Variants in RBFOX1 observed in about 807,000 individuals in gnomAD.
The protein encoded by RBFOX1 is RNA binding fox-1 homolog 1.
RBFOX1 carries 8 observed loss-of-function variants against 57.7 expected under a neutral mutation model. That is an observed-to-expected ratio of 0.14 (90% CI 0.08 to 0.25). The LOEUF is 0.25. Ranked by LOEUF, RBFOX1 falls within the 10% of genes least tolerant of loss-of-function variation. The pLI, the probability that RBFOX1 is intolerant of heterozygous loss-of-function variation, is 1.00. For missense variants in RBFOX1, 611 were observed against 548.5 expected, an observed-to-expected ratio of 1.11 and a Z score of -1.14; for synonymous variants, 326 against 222.4, an observed-to-expected ratio of 1.47 and a Z score of -4.15.
chr16:6,189,877 T>C (rs967633368), intron 1 of RBFOX1, among the ~76,000 whole-genome samples: 29 of 152,238 alleles, frequency 1.9e-4, no homozygotes, highest in Non-Finnish European at 1.6e-4. Flanking sequence ...TGATCCCAAT[T>C]GTCCATGTTT....
intron 3 of RBFOX1, among the ~76,000 whole-genome samples, chr16:6,784,881 G>A (rs1378139472): frequency 6.6e-6 from 1 of 152,046 alleles, no homozygotes; most frequent in Non-Finnish European, 1.5e-5. Context: ...GCTAAGTGAA[G>A]GTCGGCTGGA....
At chr16:7,105,832 G>A (rs1020228587) in intron 4 of RBFOX1, among the ~76,000 whole-genome samples, 1 of 152,030 alleles carries the variant, frequency 6.6e-6, no homozygotes, top group Non-Finnish European at 1.5e-5. Flanking sequence ...CCACTCATTT[G>A]ATTGATGGGC....
chr16:6,456,245 G>T (rs2094769157), intron 2 of RBFOX1, among the ~76,000 whole-genome samples: 1 of 152,102 alleles, frequency 6.6e-6, no homozygotes, highest in Non-Finnish European at 1.5e-5. Context: ...TGTATTTTTA[G>T]AAAAGAACAT....
chr16:6,646,137 G>A (rs1348644650), intron 2 of RBFOX1, among the ~76,000 whole-genome samples: 1 of 152,230 alleles, frequency 6.6e-6, no homozygotes, highest in African/African-American at 2.4e-5. Context: ...CGAAGTGGTC[G>A]AGTGGGGCTG....
At chr16:6,971,593 G>A (rs2085559228) in intron 3 of RBFOX1, among the ~76,000 whole-genome samples, 1 of 152,046 alleles carries the variant, frequency 6.6e-6, no homozygotes, top group African/African-American at 2.4e-5. Flanking sequence ...ATCACCAGCT[G>A]TTACATGGAA....
intron 4 of RBFOX1, among the ~76,000 whole-genome samples, chr16:7,140,724 G>A (rs898587743): frequency 4.7e-4 from 71 of 152,312 alleles, no homozygotes; most frequent in African/African-American, 1.6e-3. Context: ...TTGGAACTGG[G>A]AGTGAGAGAC....
chr16:6,625,341 T>G (rs2098290018), intron 2 of RBFOX1, among the ~76,000 whole-genome samples: 1 of 152,084 alleles, frequency 6.6e-6, no homozygotes, highest in Admixed American at 6.5e-5. Context: ...ATTTCTTCAT[T>G]CCTGTAACTC....
chr16:5,770,568 C>T (rs9939365), intron 3 of RBFOX1, among the ~76,000 whole-genome samples: 1 of 151,740 alleles, frequency 6.6e-6, no homozygotes, highest in Admixed American at 6.6e-5. Flanking sequence ...TGGGGTAGCC[C>T]TGCTATTTCT....
chr16:6,897,841 C>G (rs1289896607), intron 3 of RBFOX1, among the ~76,000 whole-genome samples: 1 of 152,092 alleles, frequency 6.6e-6, no homozygotes, highest in Non-Finnish European at 1.5e-5. Flanking sequence ...CAGAGCCCTG[C>G]AGTTTCTGAG....
intron 4 of RBFOX1, among the ~76,000 whole-genome samples, chr16:5,957,589 C>T (rs1036160218): frequency 6.6e-6 from 1 of 152,170 alleles, no homozygotes; most frequent in Admixed American, 6.5e-5. Flanking sequence ...TATGTGGAAG[C>T]AGGAGTCTCT....
At chr16:6,485,870 T>C (rs1272836040) in intron 2 of RBFOX1, among the ~76,000 whole-genome samples, 1 of 152,164 alleles carries the variant, frequency 6.6e-6, no homozygotes, top group Non-Finnish European at 1.5e-5. Context: ...TGGATTCATT[T>C]TAATCTGTAT....
intron 3 of RBFOX1, chr16:5,616,055 C>G (rs773445804): frequency 3.3e-5 from 5 of 152,756 alleles, no homozygotes; most frequent in South Asian, 4.1e-4. Context: ...CCACTCCCCT[C>G]CCTGCTCCGG....
At chr16:5,616,779 T>G (rs1260129430) in intron 3 of RBFOX1, among the ~76,000 whole-genome samples, 1 of 143,522 alleles carries the variant, frequency 7.0e-6, no homozygotes, top group Non-Finnish European at 1.5e-5. Flanking sequence ...TCCCCTATTT[T>G]CCTCCTCTTT....
chr16:7,273,676 T>C (rs1240425810), intron 4 of RBFOX1, among the ~76,000 whole-genome samples: 1 of 152,236 alleles, frequency 6.6e-6, no homozygotes, highest in Non-Finnish European at 1.5e-5. Flanking sequence ...AGCTCTATTC[T>C]GATGAAAGAT....
intron 2 of RBFOX1, among the ~76,000 whole-genome samples, chr16:6,497,453 G>C (rs2095801519): frequency 6.6e-6 from 1 of 152,054 alleles, no homozygotes. Context: ...CTTGGAGAAA[G>C]AAGTTGGTGT....
At chr16:5,624,994 G>A (rs2048307134) in intron 3 of RBFOX1, among the ~76,000 whole-genome samples, 1 of 152,182 alleles carries the variant, frequency 6.6e-6, no homozygotes, top group African/African-American at 2.4e-5. Flanking sequence ...TGACTCTCGG[G>A]CCAGAGAGCC....
intron 4 of RBFOX1, among the ~76,000 whole-genome samples, chr16:7,198,157 C>A (rs1008920094): frequency 5.9e-5 from 9 of 152,020 alleles, no homozygotes; most frequent in Admixed American, 5.2e-4. Flanking sequence ...AGGCACCCGC[C>A]ACCACAGCTG....
At chr16:6,830,979 C>T (rs561993348) in intron 3 of RBFOX1, among the ~76,000 whole-genome samples, 1 of 152,276 alleles carries the variant, frequency 6.6e-6, no homozygotes, top group African/African-American at 2.4e-5. Flanking sequence ...GTAAAGTTCT[C>T]CAAATGTGGA....
At chr16:5,296,069 G>C (rs1459384593) in intron 1 of RBFOX1, among the ~76,000 whole-genome samples, 1 of 95,772 alleles carries the variant, frequency 1.0e-5, no homozygotes, top group Non-Finnish European at 2.8e-5. Flanking sequence ...TCCCTCCATT[G>C]CGCCCGGGTT....
Sources: gnomAD v4.1 joint callset for allele counts (sites outside exome capture counted in the v4.1 genomes callset) on GRCh38, gnomAD v4.1.1 for gene constraint, MANE v1.5 for transcripts, NCBI Gene and HGNC (gene_info 2026-07-23, HGNC 2026-07-21) for gene names.